The following PRIM2 variants were observed in gnomAD, a reference collection of about 807,000 sequenced individuals.
The protein encoded by PRIM2 is DNA primase large subunit.
Under a neutral mutation model 67.3 loss-of-function variants are expected in PRIM2, and 39 were observed. That is an observed-to-expected ratio of 0.58 (90% confidence interval 0.45 to 0.76). The LOEUF is 0.76. Among genes scored for constraint, PRIM2 ranks in the 30% least tolerant of loss-of-function variants. The pLI, the probability that PRIM2 is intolerant of heterozygous loss-of-function variation, is 0.00. For missense variants in PRIM2, 398 were observed against 598.7 expected, an observed-to-expected ratio of 0.66 and a Z score of 3.50; for synonymous variants, 143 against 198.7, an observed-to-expected ratio of 0.72 and a Z score of 2.36.
chr6:57,331,688 A>G (rs1226947239), intron 5 of PRIM2, among the ~76,000 whole-genome samples: 1 of 152,096 alleles, frequency 6.6e-6, no homozygotes, highest in Non-Finnish European at 1.5e-5. Flanking sequence ...TCATGCAGTT[A>G]TTCATAGTTT....
the PRIM2 span, among the ~76,000 whole-genome samples, chr6:57,251,659 G>A: frequency 6.6e-6 from 1 of 152,178 alleles, no homozygotes; most frequent in Non-Finnish European, 1.5e-5. Context: ...TATACAGAAG[G>A]GGAAATGAGC....
At chr6:57,233,621 CT>C in the PRIM2 span, among the ~76,000 whole-genome samples, 1 of 136,312 alleles carries the variant, frequency 7.3e-6, no homozygotes, top group African/African-American at 2.8e-5. Context: ...TCCCTCCCTC[CT>C]TCCCTTTCCT....
intron 10 of PRIM2, among the ~76,000 whole-genome samples, chr6:57,574,106 G>T (rs1194684432): frequency 6.6e-6 from 1 of 152,024 alleles, no homozygotes; most frequent in African/African-American, 2.4e-5. Context: ...GATTGGCCAT[G>T]AGGCAAACCT....
intron 7 of PRIM2, chr6:57,434,936 A>T (rs1340547120): frequency 7.0e-6 from 1 of 142,624 alleles, no homozygotes; most frequent in Non-Finnish European, 1.5e-5. Context: ...CACCATACTC[A>T]GCTGATTTTT....
intron 5 of PRIM2, among the ~76,000 whole-genome samples, chr6:57,350,261 C>T (rs1768818314): frequency 6.6e-6 from 1 of 152,000 alleles, no homozygotes; most frequent in Admixed American, 6.6e-5. Flanking sequence ...GGTTTCTGGT[C>T]TTTGGATCAC....
intron 13 of PRIM2, among the ~76,000 whole-genome samples, chr6:57,640,289 G>A (rs1777207651): frequency 6.6e-6 from 1 of 152,098 alleles, no homozygotes; most frequent in Admixed American, 6.5e-5. Context: ...CATACTGAAT[G>A]GGCAAAAACT....
intron 8 of PRIM2, among the ~76,000 whole-genome samples, chr6:57,519,434 C>T (rs1554348653): frequency 6.6e-6 from 1 of 152,218 alleles, no homozygotes; most frequent in East Asian, 1.9e-4. Flanking sequence ...CCCGCAGGCA[C>T]GCATTCTCTT....
chr6:57,331,676 A>G (rs1264389863), intron 5 of PRIM2, among the ~76,000 whole-genome samples: 1 of 151,898 alleles, frequency 6.6e-6, no homozygotes, highest in East Asian at 1.9e-4. Context: ...TATCTAATTG[A>G]TTCATGCAGT....
At chr6:57,283,990 C>T in the PRIM2 span, among the ~76,000 whole-genome samples, 2 of 152,034 alleles carry the variant, frequency 1.3e-5, no homozygotes, top group East Asian at 3.9e-4. Flanking sequence ...CTTGTAATCT[C>T]GGCATCATTA....
chr6:57,340,049 A>G (rs1330965310), intron 5 of PRIM2, among the ~76,000 whole-genome samples: 3 of 152,220 alleles, frequency 2.0e-5, no homozygotes, highest in Non-Finnish European at 4.4e-5. Flanking sequence ...GGCAAAGGAC[A>G]TGAACAGACA....
chr6:57,391,482 G>T (rs1376200381), intron 7 of PRIM2, among the ~76,000 whole-genome samples: 3 of 151,784 alleles, frequency 2.0e-5, no homozygotes, highest in African/African-American at 7.3e-5. Flanking sequence ...GTCTTCCAGG[G>T]TTTTCATTGC....
chr6:57,482,692 C>T (rs1219291030), intron 7 of PRIM2, among the ~76,000 whole-genome samples: 1 of 152,002 alleles, frequency 6.6e-6, no homozygotes, highest in Non-Finnish European at 1.5e-5. Context: ...CTCAAAGCTA[C>T]AGAGCAAAGA....
chr6:57,334,031 A>G (rs74970767), intron 5 of PRIM2, among the ~76,000 whole-genome samples: 9,177 of 152,260 alleles, frequency 0.06, 374 homozygotes, highest in Admixed American at 0.1. Flanking sequence ...GTGATTATGC[A>G]TCCTTTAACA....
At chr6:57,608,176 T>TG (rs1184533819) in intron 12 of PRIM2, among the ~76,000 whole-genome samples, 2 of 151,708 alleles carry the variant, frequency 1.3e-5, no homozygotes, top group African/African-American at 4.8e-5. Flanking sequence ...TGAACAGAAA[T>TG]GGGGAGAGAG....
chr6:57,424,413 A>T lies in PRIM2; in HGVS notation c.693+42245A>T, dbSNP rs144683634. On this transcript the variant is annotated intron_variant, in intron 7 of 13. Transcript: ENST00000615550. The stretch of plus-strand genomic sequence containing the variant: ...GCAAAGAAAAGCAACTAGATTTTAC[A>T]TATTTAGTTAATTATATAAGAACAG... 2.4e-3 allele frequency among the ~76,000 whole-genome samples: 368 copies of T among 152,344 alleles called. 5 individuals are homozygous for T. The highest frequency in any genetic ancestry group is 0.017 in the Admixed American group (260 of 15,304).
In PRIM2 at chr6:57,478,338, T is replaced by G. The variant is rs1403820337; in HGVS notation, c.694-29049T>G. 5.6e-3 allele frequency among the ~76,000 whole-genome samples: 250 copies of G among 44,262 alleles called. 1 individual carries two copies. In the African/African-American group the frequency reaches 0.064, roughly 11 times the overall value. 29.0% of individuals were successfully genotyped at this position (44,262 alleles called of 152,430 possible). Reference sequence around the variant, plus strand: ...TTGTTGTGGTTGTGTTTTTTTTTTGTTTTTTTTTTTTTGAGAGAGATTCTT... The same window carrying G: ...TTGTTGTGGTTGTGTTTTTTTTTTGGTTTTTTTTTTTTGAGAGAGATTCTT... On this transcript the variant is annotated intron_variant, in intron 7 of 13. Coordinates refer to ENST00000615550, the MANE Select transcript of PRIM2 (RefSeq NM_000947.5).
chr6:57,299,314 C>A, the PRIM2 span, among the ~76,000 whole-genome samples: 8 of 152,048 alleles, frequency 5.3e-5, no homozygotes, highest in Non-Finnish European at 8.8e-5. Flanking sequence ...CCTTACTATA[C>A]CATTTCATAT....
rs1195478827 is a variant in PRIM2, at chr6:57,567,646, G to T, written c.1020+30021G>T. ...ATATTCACTAGGACATAAAATACGT[G>T]ATTGTGTAGTATGTGAGAAAGCAAA... On this transcript the variant is annotated intron_variant, in intron 10 of 13. Transcript: ENST00000615550. Among the ~76,000 whole-genome samples the T allele has an allele frequency of 1.4e-3, 213 of 152,214 alleles. 5 individuals are homozygous for T. In the East Asian group the frequency reaches 0.019, roughly 14 times the overall value.
At chr6:57,457,446 C>T (rs1271944208) in intron 7 of PRIM2, among the ~76,000 whole-genome samples, 6 of 152,208 alleles carry the variant, frequency 3.9e-5, no homozygotes, top group Admixed American at 2.0e-4. Context: ...CCAGATGGAG[C>T]TTCCTGACCC....
Sources: gnomAD v4.1 joint callset for allele counts (sites outside exome capture counted in the v4.1 genomes callset) on GRCh38, gnomAD v4.1.1 for gene constraint, MANE v1.5 for transcripts, NCBI Gene and HGNC (gene_info 2026-07-23, HGNC 2026-07-21) for gene names.